The following SLC24A2 variants were observed in gnomAD, a reference collection of about 807,000 sequenced individuals.
The protein encoded by SLC24A2 is sodium/potassium/calcium exchanger 2.
In SLC24A2, 36 loss-of-function variants were observed where a neutral mutation model predicts 62.0. The ratio of observed to expected loss-of-function variants is 0.58; its 90% CI spans 0.44 to 0.77. SLC24A2 has a LOEUF of 0.77. Ranked by LOEUF, SLC24A2 falls within the 30% of genes least tolerant of loss-of-function variation. SLC24A2 has a pLI of 0.00. For synonymous variants in SLC24A2, 358 were observed against 294.0 expected, an observed-to-expected ratio of 1.22 and a Z score of -2.23; for missense variants, 846 against 817.9, an observed-to-expected ratio of 1.03 and a Z score of -0.42.
chr9:20,072,286 G>A, the SLC24A2 span, among the ~76,000 whole-genome samples: 1 of 152,064 alleles, frequency 6.6e-6, no homozygotes, highest in Non-Finnish European at 1.5e-5. Context: ...CCAGAGTATG[G>A]GGCAGGACCC....
At chr9:19,577,973 G>C (rs1373038218) in intron 5 of SLC24A2, among the ~76,000 whole-genome samples, 2 of 151,854 alleles carry the variant, frequency 1.3e-5, no homozygotes, top group Non-Finnish European at 2.9e-5. Flanking sequence ...TATTCTAAGT[G>C]ATGTAACTCA....
the SLC24A2 span, among the ~76,000 whole-genome samples, chr9:20,246,145 G>A: frequency 6.8e-6 from 1 of 147,440 alleles, no homozygotes; most frequent in African/African-American, 2.5e-5. Flanking sequence ...TAAGAATATA[G>A]GTCTGGCACT....
At chr9:19,738,208 A>G (rs976980771) in intron 2 of SLC24A2, among the ~76,000 whole-genome samples, 2 of 152,218 alleles carry the variant, frequency 1.3e-5, no homozygotes, top group African/African-American at 2.4e-5. Context: ...CTGTCACTAC[A>G]GTCTTCTTTC....
chr9:19,978,981 G>A, the SLC24A2 span, among the ~76,000 whole-genome samples: 1 of 152,156 alleles, frequency 6.6e-6, no homozygotes, highest in Non-Finnish European at 1.5e-5. Context: ...GTTCAGACAT[G>A]CTCGATGTGC....
At chr9:19,984,703 C>T in the SLC24A2 span, among the ~76,000 whole-genome samples, 1 of 152,152 alleles carries the variant, frequency 6.6e-6, no homozygotes, top group South Asian at 2.1e-4. Flanking sequence ...GAGGCTCTGT[C>T]TCAACAAATA....
At chr9:19,948,681 TAAAAATACA>T in the SLC24A2 span, among the ~76,000 whole-genome samples, 1 of 151,098 alleles carries the variant, frequency 6.6e-6, no homozygotes, top group Non-Finnish European at 1.5e-5. Context: ...CCGTCTCTAC[TAAAAATACA>T]AAAAATTAGC....
rs200951796 is a variant in SLC24A2, at chr9:19,510,886, G to C, written c.*5267C>G. ...TGCTGCCTGACTTGTGGATTTGCTT[G>C]TCCTTTGTAGCTGCTTCTTACTCTT... On this transcript the variant is annotated 3_prime_UTR_variant, in exon 11 of 11. Transcript: ENST00000341998. 4.6e-5 allele frequency: 7 copies of C among 152,344 alleles called. 1 individual carries two copies. The East Asian group carries it at 1.2e-3, about 25-fold the overall frequency. 9.4% of individuals were successfully genotyped at this position (152,344 alleles called of 1,614,324 possible). A position where few individuals can be genotyped will look rare whatever the true frequency, so the allele number is the denominator to read the frequency against.
chr9:20,028,334 G>T, the SLC24A2 span, among the ~76,000 whole-genome samples: 1 of 152,128 alleles, frequency 6.6e-6, no homozygotes, highest in South Asian at 2.1e-4. Flanking sequence ...TAGCACTGAT[G>T]GTTCAGCCAG....
the SLC24A2 span, among the ~76,000 whole-genome samples, chr9:19,903,728 G>C: frequency 2.0e-5 from 3 of 152,166 alleles, no homozygotes; most frequent in Admixed American, 2.0e-4. Context: ...GATGGAGTAA[G>C]CGTTAAGTCT....
the SLC24A2 span, among the ~76,000 whole-genome samples, chr9:19,890,273 T>A: frequency 6.6e-6 from 1 of 152,214 alleles, no homozygotes; most frequent in African/African-American, 2.4e-5. Flanking sequence ...TTATGCCATA[T>A]TCTATTAGAA....
At chr9:20,252,328 G>A in the SLC24A2 span, among the ~76,000 whole-genome samples, 5 of 152,180 alleles carry the variant, frequency 3.3e-5, no homozygotes, top group African/African-American at 1.2e-4. Context: ...CTTCCCCAAT[G>A]ATATTTCATG....
chr9:20,215,010 T>G, the SLC24A2 span, among the ~76,000 whole-genome samples: 6 of 152,238 alleles, frequency 3.9e-5, no homozygotes, highest in Admixed American at 6.5e-5. Flanking sequence ...TCATTCAGGC[T>G]GCTATAACAA....
chr9:19,538,389 A>G (rs1166811553), intron 8 of SLC24A2, among the ~76,000 whole-genome samples: 1 of 123,158 alleles, frequency 8.1e-6, no homozygotes, highest in Admixed American at 8.5e-5. Context: ...TCAATACCTA[A>G]TTTATTGAGA....
At chr9:20,214,680 C>T in the SLC24A2 span, among the ~76,000 whole-genome samples, 1 of 152,022 alleles carries the variant, frequency 6.6e-6, no homozygotes, top group African/African-American at 2.4e-5. Context: ...ATTCTTATCA[C>T]AATAAAATGA....
intron 7 of SLC24A2, among the ~76,000 whole-genome samples, chr9:19,552,790 T>C (rs79220408): frequency 8.5e-5 from 13 of 152,366 alleles, no homozygotes; most frequent in Non-Finnish European, 1.5e-4. Context: ...ACGGATTAGC[T>C]CCTTTCTCCA....
intron 5 of SLC24A2, among the ~76,000 whole-genome samples, chr9:19,582,775 G>A (rs138019160): frequency 1.3e-5 from 2 of 152,194 alleles, no homozygotes; most frequent in East Asian, 3.9e-4. Flanking sequence ...CAGAACTGGT[G>A]TGGCATCATG....
At chr9:19,680,522 TTTC>T in intron 2 of SLC24A2, among the ~76,000 whole-genome samples, 1 of 123,618 alleles carries the variant, frequency 8.1e-6, no homozygotes, top group Non-Finnish European at 1.9e-5. Flanking sequence ...TTTGTACAAC[TTTC>T]GCTCATTAAA....
At chr9:19,662,220 T>C (rs1177329163) in intron 2 of SLC24A2, among the ~76,000 whole-genome samples, 1 of 152,246 alleles carries the variant, frequency 6.6e-6, no homozygotes, top group Non-Finnish European at 1.5e-5. Context: ...CACATTATTA[T>C]TGTTTCAACA....
At chr9:19,601,433 T>C (rs556594684) in intron 4 of SLC24A2, among the ~76,000 whole-genome samples, 2 of 152,320 alleles carry the variant, frequency 1.3e-5, no homozygotes, top group South Asian at 4.1e-4. Context: ...CTTTGTTCTT[T>C]TGCTTTTCAC....
Sources: allele counts gnomAD v4.1 joint callset (sites outside exome capture counted in the v4.1 genomes callset), GRCh38; gene constraint gnomAD v4.1.1; transcripts MANE v1.5; gene names NCBI Gene and HGNC (gene_info 2026-07-23, HGNC 2026-07-21).